MCF2: variants seen among roughly 807,000 people sequenced by gnomAD.
The protein encoded by MCF2 is MCF.2 cell line derived transforming sequence.
Under a neutral mutation model 82.5 loss-of-function variants are expected in MCF2, and 44 were observed. That is an observed-to-expected ratio of 0.53 (90% CI 0.42 to 0.69). MCF2 has a LOEUF of 0.69. Among genes scored for constraint, MCF2 ranks in the 30% least tolerant of loss-of-function variants. MCF2 has a pLI of 0.00. For missense variants in MCF2, 623 were observed against 663.1 expected, an observed-to-expected ratio of 0.94 and a Z score of 0.66; for synonymous variants, 217 against 224.9, an observed-to-expected ratio of 0.96 and a Z score of 0.32.
chrX:139,582,985 C>T (rs1024773077), intron 24 of MCF2, among the ~76,000 whole-genome samples: 1 of 111,750 alleles, frequency 8.9e-6, no homozygotes, highest in Non-Finnish European at 1.9e-5. Flanking sequence ...GTGTGGGAGA[C>T]AGACTGTTGT....
At chrX:139,638,826 A>C (rs1314369106) in intron 1 of MCF2, among the ~76,000 whole-genome samples, 1 of 111,727 alleles carries the variant, frequency 9.0e-6, no homozygotes, top group African/African-American at 3.3e-5. Context: ...GGCTATGAGA[A>C]TCTAGAGGGG....
chrX:139,596,847 A>G (rs759468519), intron 18 of MCF2, 77 bp from the exon 23 acceptor site: 7 of 663,554 alleles, frequency 1.1e-5, no homozygotes, highest in East Asian at 9.7e-5. Flanking sequence ...GTTAGGGTTC[A>G]GCTTAAGCTA....
At chrX:139,692,496 C>G (rs2148578069) in intron 1 of MCF2, among the ~76,000 whole-genome samples, 1 of 111,803 alleles carries the variant, frequency 8.9e-6, no homozygotes, top group South Asian at 3.8e-4. Flanking sequence ...GCTTAGCCAC[C>G]GGTGGATGAA....
intron 1 of MCF2, among the ~76,000 whole-genome samples, chrX:139,679,155 C>A (rs1934943387): frequency 8.9e-6 from 1 of 112,415 alleles, no homozygotes; most frequent in Non-Finnish European, 1.9e-5. Flanking sequence ...TGAGCACCTA[C>A]TATGCATTCA....
chrX:139,653,309 G>A (rs1259867093), intron 1 of MCF2, among the ~76,000 whole-genome samples: 1 of 112,141 alleles, frequency 8.9e-6, no homozygotes, highest in Admixed American at 9.5e-5. Flanking sequence ...GTTAAAATGT[G>A]TTCTACTTTT....
chrX:139,632,050 C>T (rs745377928), intron 2 of MCF2, among the ~76,000 whole-genome samples: 1 of 111,046 alleles, frequency 9.0e-6, no homozygotes, highest in African/African-American at 3.3e-5. Flanking sequence ...TACACATACA[C>T]GCACATACAT....
intron 1 of MCF2, among the ~76,000 whole-genome samples, chrX:139,673,345 T>A (rs1274596324): frequency 8.9e-6 from 1 of 111,764 alleles, no homozygotes; most frequent in Middle Eastern, 4.2e-3. Flanking sequence ...AGTTATTTAT[T>A]GTCTTCTGCT....
chrX:139,584,128 C>CTTTTTTTTTTT (rs1163854425), intron 24 of MCF2, among the ~76,000 whole-genome samples: 1 of 72,643 alleles, frequency 1.4e-5, no homozygotes, highest in African/African-American at 5.7e-5. Context: ...TGCCATTATC[C>CTTTTTTTTTTT]TTTTTTTTTT....
chrX:139,672,895 A>G (rs1761604427), intron 1 of MCF2, among the ~76,000 whole-genome samples: 1 of 111,826 alleles, frequency 8.9e-6, no homozygotes, highest in African/African-American at 3.3e-5. Context: ...GAATAGTACC[A>G]GCTCCTCCTT....
rs764081223 is a variant in MCF2 at position 139,691,562 on chromosome X, C to T, written c.-45+16544G>A. 3.6e-5 allele frequency among the ~76,000 whole-genome samples: 4 copies of T among 110,329 alleles called. No individual in the cohort carries two copies. In the East Asian group the frequency reaches 1.2e-3, roughly 32 times the overall value. On this transcript the variant is annotated intron_variant, in intron 1 of 27. Coordinates refer to the MCF2 transcript ENST00000414978. ...TGGCAGAGACAGTTTCATACTGCTT[C>T]CTGCACTTTCCCACGGTCCTCCTGC...
intron 17 of MCF2, among the ~76,000 whole-genome samples, chrX:139,598,100 G>A (rs913254204): frequency 8.9e-6 from 1 of 111,784 alleles, no homozygotes; most frequent in African/African-American, 3.2e-5. Flanking sequence ...AGAAATATTT[G>A]CTTTGTTTAG....
chrX:139,600,782 C>G (rs944861059), intron 16 of MCF2, among the ~76,000 whole-genome samples: 1 of 111,449 alleles, frequency 9.0e-6, no homozygotes, highest in Admixed American at 9.6e-5. Flanking sequence ...GTGTTTACTC[C>G]TAATGTAAGT....
chrX:139,648,457 G>A (rs1442353077), intron 2 of MCF2, among the ~76,000 whole-genome samples: 1 of 110,506 alleles, frequency 9.0e-6, no homozygotes, highest in Non-Finnish European at 1.9e-5. Flanking sequence ...GACAGAAATG[G>A]AGGAAAACAA....
chrX:139,592,470 G>T (rs184821042), intron 19 of MCF2, among the ~76,000 whole-genome samples: 1 of 111,572 alleles, frequency 9.0e-6, no homozygotes, highest in Non-Finnish European at 1.9e-5. Context: ...ATATGAAATA[G>T]AAATACTATA....
At chrX:139,688,067 A>G (rs1402875009) in intron 1 of MCF2, among the ~76,000 whole-genome samples, 1 of 111,930 alleles carries the variant, frequency 8.9e-6, no homozygotes, top group Non-Finnish European at 1.9e-5. Context: ...TTAAATTAAC[A>G]GCAGCAAAAA....
At chrX:139,652,736 G>A (rs12397336) in intron 1 of MCF2, among the ~76,000 whole-genome samples, 32,795 of 110,013 alleles carry the variant, frequency 0.3, 4,749 homozygotes, top group African/African-American at 0.57. Context: ...CTGAAGCCAT[G>A]TTTTTCACCT....
upstream of MCF2, among the ~76,000 whole-genome samples, chrX:139,643,023 C>A (rs189916899): frequency 4.5e-5 from 5 of 111,857 alleles, no homozygotes; most frequent in East Asian, 1.4e-3. Context: ...AATTTCAATT[C>A]TGTTTTGTTT....
At chrX:139,670,654 A>G (rs1488554064) in intron 1 of MCF2, among the ~76,000 whole-genome samples, 2 of 111,406 alleles carry the variant, frequency 1.8e-5, no homozygotes, top group African/African-American at 3.3e-5. Flanking sequence ...ATCCCTTTTT[A>G]TGGCTGCATA....
At chrX:139,613,601 G>A (rs982273161) in intron 10 of MCF2, among the ~76,000 whole-genome samples, 6 of 111,167 alleles carry the variant, frequency 5.4e-5, no homozygotes, top group Non-Finnish European at 1.1e-4. Flanking sequence ...AGGAAACTGA[G>A]GCTAAAGAGG....
Sources: allele counts gnomAD v4.1 joint callset (sites outside exome capture counted in the v4.1 genomes callset), GRCh38; gene constraint gnomAD v4.1.1; transcripts MANE v1.5; gene names NCBI Gene and HGNC (gene_info 2026-07-23, HGNC 2026-07-21).